Variants in ZFAT observed in about 807,000 individuals in gnomAD.
The protein encoded by ZFAT is zinc finger protein ZFAT.
Under a neutral mutation model 117.7 loss-of-function variants are expected in ZFAT, and 64 were observed. That is an observed-to-expected ratio of 0.54 (90% CI 0.44 to 0.67). The LOEUF is 0.67. Ranked by LOEUF, ZFAT falls within the 30% of genes least tolerant of loss-of-function variation. The pLI is 0.00. For synonymous variants in ZFAT, 679 were observed against 615.0 expected, an observed-to-expected ratio of 1.10 and a Z score of -1.54; for missense variants, 1,433 against 1,584.5, an observed-to-expected ratio of 0.90 and a Z score of 1.62.
chr8:134,667,270 G>T (rs1314927098), intron 1 of ZFAT, among the ~76,000 whole-genome samples: 2 of 152,098 alleles, frequency 1.3e-5, no homozygotes, highest in Non-Finnish European at 2.9e-5. Context: ...GAGATGGGCG[G>T]ATCAGAGGTC....
chr8:134,787,103 C>A, the ZFAT span, among the ~76,000 whole-genome samples: 104 of 152,266 alleles, frequency 6.8e-4, no homozygotes, highest in African/African-American at 2.4e-3. Context: ...CATGCCTCAG[C>A]CTCCCAGTGC....
intron 2 of ZFAT, among the ~76,000 whole-genome samples, chr8:134,646,521 T>C (rs181230936): frequency 2.6e-5 from 4 of 151,384 alleles, no homozygotes; most frequent in Non-Finnish European, 5.9e-5. Context: ...GAAGAATAAA[T>C]AAGCCCAAAG....
chr8:134,712,180 C>CCCAG (rs1338088880), intron 1 of ZFAT, among the ~76,000 whole-genome samples: 3 of 152,110 alleles, frequency 2.0e-5, no homozygotes, highest in African/African-American at 4.8e-5. Context: ...TTTTTAAAGC[C>CCCAG]CCAGCTCTGT....
the ZFAT span, chr8:134,765,155 G>T: frequency 1.3e-5 from 2 of 152,142 alleles, no homozygotes; most frequent in East Asian, 1.9e-4. Context: ...TTTATACCCC[G>T]TTATTATTTA....
At chr8:134,789,946 T>C in the ZFAT span, among the ~76,000 whole-genome samples, 4 of 152,316 alleles carry the variant, frequency 2.6e-5, no homozygotes, top group Non-Finnish European at 5.9e-5. Context: ...ACCATCCTGA[T>C]AGAACAGTTC....
the ZFAT span, among the ~76,000 whole-genome samples, chr8:134,731,903 A>C: frequency 6.6e-6 from 1 of 152,188 alleles, no homozygotes; most frequent in Non-Finnish European, 1.5e-5. Context: ...ATTCCTCATA[A>C]TAACTCTCAG....
At chr8:134,770,282 C>T in the ZFAT span, among the ~76,000 whole-genome samples, 2 of 152,148 alleles carry the variant, frequency 1.3e-5, no homozygotes, top group African/African-American at 4.8e-5. Flanking sequence ...AAGTCAGGGA[C>T]CTTAAATGGA....
At chr8:134,762,856 T>G in the ZFAT span, among the ~76,000 whole-genome samples, 5 of 152,228 alleles carry the variant, frequency 3.3e-5, no homozygotes, top group South Asian at 2.1e-4. Context: ...CCAGTCCTCC[T>G]CTGGTAAATG....
chr8:134,536,264 A>C (rs1821830968), intron 11 of ZFAT, among the ~76,000 whole-genome samples: 1 of 152,184 alleles, frequency 6.6e-6, no homozygotes, highest in African/African-American at 2.4e-5. Context: ...TCTTCCCTCC[A>C]TGAAAGACTT....
chr8:134,791,778 T>A, the ZFAT span, among the ~76,000 whole-genome samples: 1 of 152,200 alleles, frequency 6.6e-6, no homozygotes, highest in African/African-American at 2.4e-5. Context: ...AAACTATGTT[T>A]CTCAGCATCT....
At chr8:134,554,530 G>A (rs1410180895) in intron 11 of ZFAT, among the ~76,000 whole-genome samples, 7 of 152,152 alleles carry the variant, frequency 4.6e-5, no homozygotes, top group Non-Finnish European at 1.0e-4. Context: ...CAAGAGGGTT[G>A]GGGGCTGAAG....
chr8:134,763,729 G>A, the ZFAT span, among the ~76,000 whole-genome samples: 1 of 152,138 alleles, frequency 6.6e-6, no homozygotes, highest in Non-Finnish European at 1.5e-5. Context: ...ATAAATACAC[G>A]AATGAATGGT....
At position 134,712,932 on chromosome 8, in the gene ZFAT, G is replaced by A. The variant is rs1814080808; in HGVS notation, c.-69C>T. Reference sequence around the variant, plus strand: ...CGGGCCCCCTCCCGTGCCGACCGAGGGGGCGGGGCGCCCTGCTGACGCTTC... The same window carrying A: ...CGGGCCCCCTCCCGTGCCGACCGAGAGGGCGGGGCGCCCTGCTGACGCTTC... On this transcript the variant is annotated 5_prime_UTR_variant, in exon 1 of 16. Coordinates refer to ENST00000377838, the MANE Select transcript of ZFAT (RefSeq NM_020863.4). The A allele has an allele frequency of 6.9e-7, 1 of 1,446,498 alleles. No individual in the cohort carries two copies. The highest frequency in any genetic ancestry group is 9.1e-7 in the Non-Finnish European group (1 of 1,099,832). 89.6% of individuals were successfully genotyped at this position (1,446,498 alleles called of 1,614,324 possible).
At chr8:134,505,564 G>A (rs1270762631) in intron 15 of ZFAT, among the ~76,000 whole-genome samples, 1 of 152,176 alleles carries the variant, frequency 6.6e-6, no homozygotes, top group Non-Finnish European at 1.5e-5. Flanking sequence ...TCATCAGAAG[G>A]GCCCTTTAAA....
At chr8:134,786,481 G>T in the ZFAT span, among the ~76,000 whole-genome samples, 5 of 152,198 alleles carry the variant, frequency 3.3e-5, no homozygotes, top group African/African-American at 1.2e-4. Context: ...GCATTTTGCT[G>T]GTTCTCCCCC....
chr8:134,561,030 G>GTTTGA (rs1824011627), intron 11 of ZFAT, among the ~76,000 whole-genome samples: 11 of 152,216 alleles, frequency 7.2e-5, no homozygotes, highest in Non-Finnish European at 1.6e-4. Context: ...TTTACTATTT[G>GTTTGA]TGAATTCTCA....
At chr8:134,527,786 A>G (rs1821127666) in intron 12 of ZFAT, among the ~76,000 whole-genome samples, 1 of 152,244 alleles carries the variant, frequency 6.6e-6, no homozygotes, top group Admixed American at 6.5e-5. Flanking sequence ...ATTATCAGCC[A>G]AGCTGATATC....
chr8:134,800,642 A>G, the ZFAT span: 4 of 451,808 alleles, frequency 8.9e-6, no homozygotes, highest in Non-Finnish European at 1.9e-5. Context: ...CTAAGTTTGT[A>G]CGGTTCTTTA....
chr8:134,713,509 G>C (rs896167413), upstream of ZFAT, among the ~76,000 whole-genome samples: 5 of 152,150 alleles, frequency 3.3e-5, no homozygotes, highest in South Asian at 2.1e-4. Flanking sequence ...GCTTTCCTTT[G>C]GGCCACCCGG....
Sources: gnomAD v4.1 joint callset for allele counts (sites outside exome capture counted in the v4.1 genomes callset) on GRCh38, gnomAD v4.1.1 for gene constraint, MANE v1.5 for transcripts, NCBI Gene and HGNC (gene_info 2026-07-23, HGNC 2026-07-21) for gene names.